Variants in PINX1 observed in about 807,000 individuals in gnomAD.
PINX1 encodes the protein PIN2 (TERF1) interacting telomerase inhibitor 1, also known as PIN2/TERF1-interacting telomerase inhibitor 1.
Under a neutral mutation model 25.4 loss-of-function variants are expected in PINX1, and 34 were observed. The ratio of observed to expected loss-of-function variants is 1.34; its 90% CI spans 1.02 to 1.78. The LOEUF (loss-of-function observed/expected upper bound fraction) is 1.78. PINX1 is among the 40% of genes most tolerant of loss of function. The pLI, the probability that PINX1 is intolerant of heterozygous loss-of-function variation, is 0.00. For missense variants in PINX1, 592 were observed against 404.9 expected, an observed-to-expected ratio of 1.46 and a Z score of -3.97; for synonymous variants, 197 against 147.7, an observed-to-expected ratio of 1.33 and a Z score of -2.42.
chr8:10,772,787 C>T (rs1027075819), intron 6 of PINX1, among the ~76,000 whole-genome samples: 2 of 152,210 alleles, frequency 1.3e-5, no homozygotes, highest in Non-Finnish European at 2.9e-5. Flanking sequence ...TTGGAAAACA[C>T]AGAAATTGTG....
intron 2 of PINX1, chr8:10,833,815 T>A (rs956472554): frequency 6.3e-6 from 1 of 157,814 alleles, no homozygotes; most frequent in Non-Finnish European, 1.4e-5. Context: ...GAATCAAGCA[T>A]GACTGTCAGG....
At chr8:10,766,036 G>T in intron 6 of PINX1, 120 bp from the exon 7 acceptor site, 1 of 900,738 alleles carries the variant, frequency 1.1e-6, no homozygotes, top group Non-Finnish European at 1.7e-6. Context: ...CTCACACCCG[G>T]CACCCACACC....
At chr8:10,782,087 C>T (rs1010641740) in intron 6 of PINX1, among the ~76,000 whole-genome samples, 1 of 151,910 alleles carries the variant, frequency 6.6e-6, no homozygotes, top group Non-Finnish European at 1.5e-5. Context: ...ATAAACCAGA[C>T]AGGAAAGAAA....
At chr8:10,778,942 C>G (rs1233711350) in intron 6 of PINX1, among the ~76,000 whole-genome samples, 1 of 152,226 alleles carries the variant, frequency 6.6e-6, no homozygotes, top group African/African-American at 2.4e-5. Context: ...TGGCAAGCAT[C>G]CCACTATGGA....
chr8:10,808,370 AG>A (rs1350505268), intron 6 of PINX1, among the ~76,000 whole-genome samples: 2 of 152,238 alleles, frequency 1.3e-5, no homozygotes, highest in Non-Finnish European at 2.9e-5. Context: ...TGGAGTGGCA[AG>A]GATGACTACA....
chr8:10,809,745 T>C (rs1802567636), intron 6 of PINX1, among the ~76,000 whole-genome samples: 1 of 152,214 alleles, frequency 6.6e-6, no homozygotes, highest in Admixed American at 6.5e-5. Context: ...TCAAAGCGGC[T>C]CTAAGGAGCT....
chr8:10,820,980 C>A (rs1257442862), intron 5 of PINX1, among the ~76,000 whole-genome samples: 2 of 152,224 alleles, frequency 1.3e-5, no homozygotes. Flanking sequence ...AACCCCCAAA[C>A]CAACTAATTT....
chr8:10,830,515 C>A (rs897205793), intron 4 of PINX1, among the ~76,000 whole-genome samples: 1 of 152,190 alleles, frequency 6.6e-6, no homozygotes, highest in East Asian at 1.9e-4. Flanking sequence ...AAGTCTAATT[C>A]ATTATTTCAC....
intron 6 of PINX1, among the ~76,000 whole-genome samples, chr8:10,807,317 T>TACC (rs1802482447): frequency 2.5e-5 from 1 of 39,742 alleles, no homozygotes; most frequent in African/African-American, 1.5e-4. Flanking sequence ...ATCAAGAAAA[T>TACC]CCCCCCCCCA....
intron 6 of PINX1, among the ~76,000 whole-genome samples, chr8:10,790,123 A>G (rs1034205707): frequency 2.6e-5 from 4 of 151,970 alleles, no homozygotes; most frequent in African/African-American, 4.8e-5. Context: ...TTCCCTCCTC[A>G]TCCCTTTCCC....
chr8:10,787,659 T>C (rs1011222425), intron 6 of PINX1: 20 of 327,420 alleles, frequency 6.1e-5, no homozygotes, highest in African/African-American at 4.3e-4. Flanking sequence ...AAATTAAGGA[T>C]AAATGTGGAT....
chr8:10,779,945 C>T (rs1450328248), intron 6 of PINX1, among the ~76,000 whole-genome samples: 2 of 152,140 alleles, frequency 1.3e-5, no homozygotes, highest in East Asian at 3.8e-4. Flanking sequence ...AAAATGTACA[C>T]AGTGGACCTG....
intron 5 of PINX1, among the ~76,000 whole-genome samples, 195 bp from the exon 6 acceptor site, chr8:10,820,464 A>C (rs549184457): frequency 3.3e-5 from 5 of 152,348 alleles, no homozygotes; most frequent in African/African-American, 1.2e-4. Flanking sequence ...TTTTAAAACC[A>C]AGTAAATGTT....
intron 6 of PINX1, among the ~76,000 whole-genome samples, chr8:10,772,030 A>C (rs555719717): frequency 7.4e-4 from 113 of 152,362 alleles, no homozygotes; most frequent in African/African-American, 2.7e-3. Context: ...CAATTGGAAA[A>C]AAGCAAGGTA....
intron 3 of PINX1, 150 bp downstream of exon 3, chr8:10,832,742 T>C (rs1360174483): frequency 3.8e-6 from 2 of 520,726 alleles, no homozygotes; most frequent in South Asian, 6.1e-5. Flanking sequence ...TATAGTGCCA[T>C]GCATTCAAAG....
chr8:10,802,547 G>A (rs530199905), intron 6 of PINX1, among the ~76,000 whole-genome samples: 16 of 152,294 alleles, frequency 1.1e-4, no homozygotes, highest in African/African-American at 3.6e-4. Flanking sequence ...CCAGAATCCA[G>A]TATCAACAAA....
intron 6 of PINX1, among the ~76,000 whole-genome samples, chr8:10,786,731 A>C (rs7840769): frequency 0.037 from 5,686 of 152,150 alleles, 361 homozygotes; most frequent in African/African-American, 0.13. Context: ...TCCCTGTGTA[A>C]TCTTGCTTCC....
intron 6 of PINX1, among the ~76,000 whole-genome samples, chr8:10,776,092 A>C (rs1232661840): frequency 1.3e-5 from 2 of 152,180 alleles, no homozygotes; most frequent in East Asian, 3.9e-4. Flanking sequence ...ATAAGTCCAT[A>C]GCACTCAGTA....
intron 2 of PINX1, 144 bp from the exon 3 acceptor site, chr8:10,833,128 G>C (rs2409650): frequency 0.34 from 185,686 of 551,038 alleles, 35,462 homozygotes; most frequent in African/African-American, 0.65. Context: ...AAGCAACATG[G>C]GGGAGGACTC....
Sources: gnomAD v4.1 joint callset for allele counts (sites outside exome capture counted in the v4.1 genomes callset) on GRCh38, gnomAD v4.1.1 for gene constraint, MANE v1.5 for transcripts, NCBI Gene and HGNC (gene_info 2026-07-23, HGNC 2026-07-21) for gene names.